GALNT17: variants seen among roughly 807,000 people sequenced by gnomAD.
GALNT17 encodes UDP-GalNAc:polypeptide N-acetylgalactosaminyltransferase-like 3.
GALNT17 carries 29 observed loss-of-function variants against 63.7 expected under a neutral mutation model. That is an observed-to-expected ratio of 0.46 (90% CI 0.34 to 0.62). The LOEUF (loss-of-function observed/expected upper bound fraction) is 0.62. Ranked by LOEUF, GALNT17 falls within the 20% of genes least tolerant of loss-of-function variation. The probability of loss-of-function intolerance (pLI) is 0.01; values close to 1 mark genes in which losing one functional copy is unlikely to be tolerated. For synonymous variants in GALNT17, 305 were observed against 318.3 expected (o/e 0.96, Z 0.45); for missense variants, 603 against 799.6 (o/e 0.75, Z 2.97).
chr7:71,184,629 C>T (rs1412469665), intron 1 of GALNT17, among the ~76,000 whole-genome samples: 1 of 152,216 alleles, frequency 6.6e-6, no homozygotes, highest in Non-Finnish European at 1.5e-5. Context: ...CCCTTCCTCT[C>T]TCCCAAGGTG....
chr7:71,560,314 C>T (rs1789235498), intron 5 of GALNT17, among the ~76,000 whole-genome samples: 1 of 152,084 alleles, frequency 6.6e-6, no homozygotes, highest in African/African-American at 2.4e-5. Flanking sequence ...TCTCATTCTC[C>T]TCCTCCTTCC....
In GALNT17 at chr7:71,287,590, G is replaced by A. The variant is rs183536598; in HGVS notation, c.239-47960G>A. On this transcript the variant is annotated intron_variant, in intron 1 of 10. Coordinates refer to ENST00000333538, the MANE Select transcript of GALNT17 (RefSeq NM_022479.3). ...GGCACTGACCTTATAGTCAGACTGC[G>A]TGCAACTTCTGACTCCTCCAAAAGG... 2.6e-4 allele frequency among the ~76,000 whole-genome samples: 39 copies of A among 152,208 alleles called. No individual in the cohort carries two copies. In the East Asian group the frequency reaches 4.8e-3, roughly 19 times the overall value.
At chr7:71,290,199 A>C (rs1377234633) in intron 1 of GALNT17, among the ~76,000 whole-genome samples, 1 of 152,230 alleles carries the variant, frequency 6.6e-6, no homozygotes, top group Non-Finnish European at 1.5e-5. Context: ...CCGTGTACCT[A>C]TTAGCAGTCA....
chr7:71,508,922 ATGTGTCTG>A (rs1426355241), intron 5 of GALNT17, among the ~76,000 whole-genome samples: 2 of 152,060 alleles, frequency 1.3e-5, no homozygotes, highest in Admixed American at 6.6e-5. Context: ...GCTCGTGTGC[ATGTGTCTG>A]TGTGTGTATG....
chr7:71,656,420 A>G (rs1790829428), intron 6 of GALNT17, among the ~76,000 whole-genome samples: 1 of 152,084 alleles, frequency 6.6e-6, no homozygotes, highest in Non-Finnish European at 1.5e-5. Context: ...AAAAGGAAAC[A>G]TCATGGGATT....
At chr7:71,492,152 G>A (rs550013207) in intron 5 of GALNT17, among the ~76,000 whole-genome samples, 2 of 152,146 alleles carry the variant, frequency 1.3e-5, no homozygotes, top group Non-Finnish European at 2.9e-5. Context: ...GGTGGCACAT[G>A]CCTGTAATCC....
intron 1 of GALNT17, among the ~76,000 whole-genome samples, chr7:71,248,932 T>A (rs1790148314): frequency 6.6e-6 from 1 of 152,140 alleles, no homozygotes; most frequent in African/African-American, 2.4e-5. Context: ...TTCTTGCCTC[T>A]TCTCTACTGA....
chr7:71,375,277 A>C (rs192457607), intron 2 of GALNT17, among the ~76,000 whole-genome samples: 1 of 152,356 alleles, frequency 6.6e-6, no homozygotes. Context: ...TTTGGGCAGA[A>C]CAGTAAAAGG....
chr7:71,672,369 G>A (rs1350489512), intron 8 of GALNT17, among the ~76,000 whole-genome samples: 3 of 152,164 alleles, frequency 2.0e-5, no homozygotes, highest in Admixed American at 6.6e-5. Context: ...CTCTGAATGA[G>A]GAAGGGCTTT....
At chr7:71,491,569 G>T (rs1788008423) in intron 5 of GALNT17, among the ~76,000 whole-genome samples, 1 of 152,172 alleles carries the variant, frequency 6.6e-6, no homozygotes, top group South Asian at 2.1e-4. Flanking sequence ...TCCCATATCA[G>T]CCCGGATAGG....
chr7:71,487,104 G>A (rs1029021086), intron 5 of GALNT17, among the ~76,000 whole-genome samples: 4 of 152,120 alleles, frequency 2.6e-5, no homozygotes, highest in South Asian at 2.1e-4. Flanking sequence ...AGAGCTCCCC[G>A]AGGAACTGGC....
At chr7:71,383,197 T>A (rs1463454259) in intron 2 of GALNT17, among the ~76,000 whole-genome samples, 3 of 152,190 alleles carry the variant, frequency 2.0e-5, no homozygotes, top group Non-Finnish European at 2.9e-5. Flanking sequence ...TAAAACTGGA[T>A]AACATTCCAT....
chr7:71,340,574 G>T (rs1014568331), intron 2 of GALNT17, among the ~76,000 whole-genome samples: 20 of 152,122 alleles, frequency 1.3e-4, no homozygotes, highest in East Asian at 1.9e-4. Flanking sequence ...GAAAGGAAAG[G>T]CAGGATCACT....
At chr7:71,172,374 T>C (rs1788561394) in intron 1 of GALNT17, among the ~76,000 whole-genome samples, 2 of 151,744 alleles carry the variant, frequency 1.3e-5, no homozygotes. Flanking sequence ...GGAGGATTGC[T>C]TGAGCCCAGA....
chr7:71,280,907 T>G (rs1021348631), intron 1 of GALNT17, among the ~76,000 whole-genome samples: 8 of 152,052 alleles, frequency 5.3e-5, no homozygotes, highest in Non-Finnish European at 1.0e-4. Flanking sequence ...CTGATCCCCA[T>G]GGGTTGGGGT....
intron 1 of GALNT17, among the ~76,000 whole-genome samples, chr7:71,217,197 G>T (rs1462266796): frequency 1.4e-5 from 2 of 147,750 alleles, no homozygotes; most frequent in Non-Finnish European, 3.0e-5. Context: ...GCCCAGGCTG[G>T]TCTTGAACTC....
chr7:71,595,250 T>C (rs1244051303), intron 6 of GALNT17, among the ~76,000 whole-genome samples: 1 of 152,032 alleles, frequency 6.6e-6, no homozygotes, highest in African/African-American at 2.4e-5. Flanking sequence ...GGCAAGACCC[T>C]GTCCATACAA....
chr7:71,697,062 G>A (rs1548764), intron 9 of GALNT17, among the ~76,000 whole-genome samples: 6,306 of 152,150 alleles, frequency 0.041, 213 homozygotes, highest in East Asian at 0.12. Flanking sequence ...CAGGCTGGAC[G>A]GTCAGCTGTT....
intron 1 of GALNT17, among the ~76,000 whole-genome samples, chr7:71,280,239 T>G (rs1363365319): frequency 6.6e-6 from 1 of 152,076 alleles, no homozygotes; most frequent in Non-Finnish European, 1.5e-5. Flanking sequence ...CTGGGCTCAG[T>G]GTGAGGCCTT....
Sources: allele counts gnomAD v4.1 joint callset (sites outside exome capture counted in the v4.1 genomes callset), GRCh38; gene constraint gnomAD v4.1.1; transcripts MANE v1.5; gene names NCBI Gene and HGNC (gene_info 2026-07-23, HGNC 2026-07-21).